NOS2: variants seen among roughly 807,000 people sequenced by gnomAD.
NOS2 encodes the protein nitric oxide synthase 2.
NOS2 carries 96 observed loss-of-function variants against 136.0 expected under a neutral mutation model. The ratio of observed to expected loss-of-function variants is 0.71; its 90% CI spans 0.60 to 0.84. The LOEUF is 0.84. NOS2 is among the 40% of genes least tolerant of loss of function. NOS2 has a pLI of 0.00. For missense variants in NOS2, 1,237 were observed against 1,496.9 expected, an observed-to-expected ratio of 0.83 and a Z score of 2.87; for synonymous variants, 539 against 587.5, an observed-to-expected ratio of 0.92 and a Z score of 1.20.
Position 27,774,460 on chromosome 17 carries a change from G to A in NOS2, c.1282-9C>T, listed in dbSNP as rs753748936. The A allele has an allele frequency of 9.6e-6, 14 of 1,459,472 alleles. No homozygotes were observed. The highest frequency in any genetic ancestry group is 1.4e-5 in the African/African-American group (1 of 69,370). The allele number at this position is 1,459,472 out of a possible 1,614,324, so 90.4% of individuals were successfully genotyped here. On this transcript the variant is annotated splice_polypyrimidine_tract_variant and intron_variant, in intron 11 of 26. Coordinates refer to ENST00000313735, the MANE Select transcript of NOS2 (RefSeq NM_000625.4). Reference sequence around the variant, plus strand: ...ATGGTCACATTCTGCTTCTGTATCAGAAGGCAAGATAGGGAGTGGAGATAA... The same window carrying A: ...ATGGTCACATTCTGCTTCTGTATCAAAAGGCAAGATAGGGAGTGGAGATAA...
At chr17:27,759,207 C>T in intron 25 of NOS2, 132 bp from the exon 26 acceptor site, 1 of 596,718 alleles carries the variant, frequency 1.7e-6, no homozygotes, top group Non-Finnish European at 2.9e-6. Context: ...CCAGCCAGGA[C>T]CTTGCAAGGG....
chr17:27,761,829 G>A (rs8068149), intron 22 of NOS2, among the ~76,000 whole-genome samples: 74,127 of 151,902 alleles, frequency 0.49, 18,506 homozygotes, highest in East Asian at 0.64. Context: ...CAGCACTTGA[G>A]GAAGGCCTCC....
In NOS2 at chr17:27,774,460, GAAGGC is replaced by G; in HGVS notation, c.1282-14_1282-10del. ...ATGGTCACATTCTGCTTCTGTATCA[GAAGGC>G]AAGATAGGGAGTGGAGATAAGGGTG... On this transcript the variant is annotated splice_polypyrimidine_tract_variant and intron_variant, in intron 11 of 26. Transcript: ENST00000313735. The G allele has an allele frequency of 6.9e-7, 1 of 1,459,590 alleles. No homozygotes were observed. The highest frequency in any genetic ancestry group is 9.1e-7 in the Non-Finnish European group (1 of 1,096,662). 90.4% of individuals were successfully genotyped at this position (1,459,590 alleles called of 1,614,324 possible). A position where few individuals can be genotyped will look rare whatever the true frequency, so the allele number is the denominator to read the frequency against.
At chr17:27,797,998 G>A (rs1314007716) in intron 2 of NOS2, among the ~76,000 whole-genome samples, 1 of 152,164 alleles carries the variant, frequency 6.6e-6, no homozygotes, top group African/African-American at 2.4e-5. Context: ...GAGATGCAAA[G>A]TCTGTCAAGT....
chr17:27,794,978 C>A (rs1246599027), intron 2 of NOS2, among the ~76,000 whole-genome samples: 1 of 151,930 alleles, frequency 6.6e-6, no homozygotes, highest in Non-Finnish European at 1.5e-5. Flanking sequence ...GGACCCACCT[C>A]CTCCCCCCAA....
Position 27,761,213 on chromosome 17 carries a change from T to C in NOS2, c.2819A>G (p.His940Arg). Residue 940 changes from histidine to arginine, a missense_variant, in exon 23 of 27, where the codon CAC (histidine) becomes CGC (arginine). His to Arg is a conservative substitution (Grantham distance 29, BLOSUM62 0). Around this residue, in one of 3 missense-constraint regions of NOS2, gnomAD observed 782 missense variants for 909.9 expected, o/e 0.86. Transcript: ENST00000313735. ...YHTRDGQGPL[H>R]HGVCSTWLNS... ...GAGCCATGTGCTGCAGACGCCGTGG[T>C]GCAGGGGACCCTGGCCATCTGCAAC... The C allele has an allele frequency of 6.2e-7, 1 of 1,608,638 alleles. No homozygotes were observed. Among genetic ancestry groups the C allele is most frequent in the East Asian group, 2.2e-5 (1 of 44,782 alleles).
chr17:27,760,883 C>A lies in NOS2; in HGVS notation c.2889-139G>T, dbSNP rs746573865. 3.0e-5 allele frequency: 32 copies of A among 1,065,454 alleles called. No individual in the cohort carries two copies. In the African/African-American group the frequency reaches 4.4e-4, roughly 15 times the overall value. The allele number at this position is 1,065,454 out of a possible 1,614,324, so 66.0% of individuals were successfully genotyped here. A position where few individuals can be genotyped will look rare whatever the true frequency, so the allele number is the denominator to read the frequency against. On this transcript the variant is annotated intron_variant, in intron 23 of 26. Coordinates refer to ENST00000313735, the MANE Select transcript of NOS2 (RefSeq NM_000625.4). The stretch of plus-strand genomic sequence containing the variant: ...CAAGAAGCTCCTATTTGATTTCCCA[C>A]GTCCTGCAGGCTGCTTCACTTCTGT...
chr17:27,770,443 A>G (rs982101502), intron 15 of NOS2, among the ~76,000 whole-genome samples: 2 of 152,348 alleles, frequency 1.3e-5, no homozygotes, highest in African/African-American at 2.4e-5. Flanking sequence ...CTGAGATCGC[A>G]CCATTGCACT....
At chr17:27,757,652 G>A (rs1432039813) in intron 26 of NOS2, among the ~76,000 whole-genome samples, 1 of 152,166 alleles carries the variant, frequency 6.6e-6, no homozygotes, top group South Asian at 2.1e-4. Context: ...GAAATGCTAC[G>A]TCCTTTCTTT....
At chr17:27,760,439 C>T (rs1908080453) in intron 24 of NOS2, among the ~76,000 whole-genome samples, 184 bp downstream of exon 24, 1 of 152,230 alleles carries the variant, frequency 6.6e-6, no homozygotes. Flanking sequence ...GGAGAGGGAG[C>T]CCTGGCTACT....
intron 11 of NOS2, among the ~76,000 whole-genome samples, chr17:27,778,120 A>G (rs1208580384): frequency 6.6e-6 from 1 of 152,182 alleles, no homozygotes; most frequent in African/African-American, 2.4e-5. Flanking sequence ...GAAGAAAAAT[A>G]AAATGGTTAA....
chr17:27,796,662 C>A (rs1230963261), intron 2 of NOS2, among the ~76,000 whole-genome samples: 1 of 152,002 alleles, frequency 6.6e-6, no homozygotes, highest in East Asian at 1.9e-4. Flanking sequence ...CAATGGGGAG[C>A]CACTGCAGGC....
intron 11 of NOS2, among the ~76,000 whole-genome samples, chr17:27,778,121 A>G (rs1908717316): frequency 6.6e-6 from 1 of 152,170 alleles, no homozygotes; most frequent in South Asian, 2.1e-4. Flanking sequence ...AAGAAAAATA[A>G]AATGGTTAAA....
chr17:27,765,613 C>A lies in NOS2; in HGVS notation c.2350G>T (p.Val784Phe), dbSNP rs774998713. 1 of 1,613,032 alleles carries A rather than the reference C, an allele frequency of 6.2e-7. No individual in the cohort carries two copies. Among genetic ancestry groups the A allele is most frequent in the Non-Finnish European group, 8.5e-7 (1 of 1,179,924 alleles). The change falls in exon 20 of 27, where the codon GTC becomes TTC. Residue 784 changes from valine (V) to phenylalanine (F), a missense_variant. Coordinates refer to ENST00000313735, the MANE Select transcript of NOS2 (RefSeq NM_000625.4). ...ACCACTCGCTCCAGGATACCTTGGA[C>A]CAGGGCCGGCTGGTTGCCTGGGCAA... ...GVCPGNQPALVQGILERVVDG... is the reference protein window; with the variant it reads ...GVCPGNQPALFQGILERVVDG...
intron 5 of NOS2, among the ~76,000 whole-genome samples, chr17:27,784,184 A>C (rs1484908375): frequency 1.4e-5 from 2 of 140,568 alleles, no homozygotes; most frequent in Non-Finnish European, 3.1e-5. Context: ...CAACAACAAC[A>C]ACCTTGAGAT....
Position 27,789,455 on chromosome 17 carries a change from TC to T in NOS2, c.195+148del, listed in dbSNP as rs28998831. ...AAAGCCCTTCCTCATTCCCACCTGT[TC>T]CCCCCAACACCCCGGGTCTGGGACT... On this transcript the variant is annotated intron_variant, in intron 3 of 26. Transcript: ENST00000313735. The T allele has an allele frequency of 3.6e-3, 2,354 of 653,320 alleles. 13 individuals are homozygous for T. The highest frequency in any genetic ancestry group is 3.2e-3 in the Admixed American group (132 of 40,836). 40.5% of individuals were successfully genotyped at this position (653,320 alleles called of 1,614,324 possible). A position where few individuals can be genotyped will look rare whatever the true frequency, so the allele number is the denominator to read the frequency against.
rs183352670 is a variant in NOS2 at position 27,759,157 on chromosome 17, C to T, written c.3160-82G>A. ...GGCAGGCCTGCTGGCCTCAAGGAGG[C>T]GGGGAGAGGGGCACTAAGGGGTGAG... On this transcript the variant is annotated intron_variant, in intron 25 of 26. Coordinates refer to ENST00000313735, the MANE Select transcript of NOS2 (RefSeq NM_000625.4). 3.9e-5 allele frequency: 40 copies of T among 1,029,952 alleles called. 1 individual carries two copies. Among genetic ancestry groups the T allele is most frequent in the East Asian group, 2.3e-4 (8 of 34,082 alleles). The allele number at this position is 1,029,952 out of a possible 1,614,324, so 63.8% of individuals were successfully genotyped here. A position where few individuals can be genotyped will look rare whatever the true frequency, so the allele number is the denominator to read the frequency against.
rs1908066406 is a variant in NOS2 at position 27,760,091 on chromosome 17, G to A, written c.3098C>T (p.Ala1033Val). 2 of 1,605,996 alleles carry A rather than the reference G, an allele frequency of 1.2e-6. No individual in the cohort carries two copies. Among genetic ancestry groups the A allele is most frequent in the African/African-American group, 2.7e-5 (2 of 74,614 alleles). The stretch of plus-strand genomic sequence containing the variant: ...CACCGCATGCAGCACCCCCTTCTGG[G>A]CCATCTCCAGCATCTCCTCCTGGTA... ...HIYQEEMLEM[A>V]QKGVLHAVHT... The change falls in exon 25 of 27, where the codon GCC becomes GTC. Residue 1033 changes from alanine (A) to valine (V), a missense_variant. By Grantham distance (64) the Ala-to-Val change is moderately conservative. Transcript: ENST00000313735.
Position 27,769,116 on chromosome 17 carries a change from G to C in NOS2, c.1895C>G (p.Pro632Arg). ...AVFGLGSSMY[P>R]RFCAFAHDID... ...GTCATGAGCAAAGGCGCAGAACCGA[G>C]GGTACATGCTGGAGCCGAGGCCAAA... Residue 632 changes from proline to arginine, a missense_variant, in exon 17 of 27, where the codon CCT (proline) becomes CGT (arginine). By Grantham distance (103) the Pro-to-Arg change is moderately radical (BLOSUM62 -2). This residue lies in a region of NOS2 where 782 missense variants were observed against 909.9 expected (regional missense o/e 0.86). Transcript: ENST00000313735. The C allele has an allele frequency of 1.9e-6, 3 of 1,612,642 alleles. No individual in the cohort carries two copies. Among genetic ancestry groups the C allele is most frequent in the Non-Finnish European group, 2.5e-6 (3 of 1,179,826 alleles).
Sources: allele counts gnomAD v4.1 joint callset (sites outside exome capture counted in the v4.1 genomes callset), GRCh38; gene constraint gnomAD v4.1.1; regional missense constraint gnomAD v4.1.1; transcripts MANE v1.5; gene names NCBI Gene and HGNC (gene_info 2026-07-23, HGNC 2026-07-21).